The following TEP1 variants were observed in gnomAD, a reference collection of about 807,000 sequenced individuals.
The protein encoded by TEP1 is telomerase protein component 1.
A neutral mutation model predicts 306.3 loss-of-function variants in TEP1; 241 were observed. The observed-to-expected ratio is 0.79, with a 90% CI of 0.71 to 0.88. TEP1 has a LOEUF of 0.88. Ranked by LOEUF, TEP1 falls within the 40% of genes least tolerant of loss-of-function variation. The pLI is 0.00. For missense variants in TEP1, 3,051 were observed against 3,276.1 expected (o/e 0.93, Z 1.68); for synonymous variants, 1,289 against 1,305.5 (o/e 0.99, Z 0.27).
In TEP1 at chr14:20,404,696, G is replaced by A. The variant is rs544677091; in HGVS notation, c.947C>T (p.Pro316Leu). ...NNILAIAAFL[P>L]ACRPHLRRYF... is the part of the protein sequence containing the mutation. ...TCGTCGCAGGTGGGGGCGACACGCC[G>A]GCAAGAAAGCAGCAATGGCCAAGAT... Residue 316 changes from proline to leucine, a missense_variant, in exon 5 of 55, where the codon CCG becomes CTG. Pro to Leu is a moderately conservative substitution (Grantham distance 98). Around this residue, in one of 3 missense-constraint regions of TEP1, gnomAD observed 1,507 missense variants for 1,550.5 expected, o/e 0.97. Coordinates refer to ENST00000262715, the MANE Select transcript of TEP1 (RefSeq NM_007110.5). The A allele has an allele frequency of 3.8e-5, 61 of 1,614,120 alleles. No homozygotes were observed. Among genetic ancestry groups the A allele is most frequent in the African/African-American group, 1.2e-4 (9 of 75,052 alleles).
At chr14:20,403,594 AC>A in intron 6 of TEP1, 128 bp downstream of exon 6, 3 of 1,585,296 alleles carry the variant, frequency 1.9e-6, no homozygotes, top group Non-Finnish European at 2.6e-6. Flanking sequence ...CATGAGCTCT[AC>A]CCAGCTCCCC....
At chr14:20,390,541 T>G in intron 15 of TEP1, 140 bp downstream of exon 15, 2 of 751,296 alleles carry the variant, frequency 2.7e-6, no homozygotes, top group South Asian at 1.8e-5. Context: ...CACCACTGGG[T>G]AGGGGGTTGT....
At chr14:20,383,113 C>G in intron 27 of TEP1, 61 bp downstream of exon 27, 2 of 1,519,992 alleles carry the variant, frequency 1.3e-6, no homozygotes. Context: ...CTCGGCACCC[C>G]AGGTCCTCAT....
intron 9 of TEP1, among the ~76,000 whole-genome samples, chr14:20,398,788 T>A (rs1878432526): frequency 6.6e-6 from 1 of 152,190 alleles, no homozygotes; most frequent in Non-Finnish European, 1.5e-5. Flanking sequence ...GCCCACACCA[T>A]CAGCAGCTTC....
chr14:20,376,382 A>G (rs1885178999), intron 41 of TEP1, 118 bp from the exon 42 acceptor site: 1 of 1,034,156 alleles, frequency 9.7e-7, no homozygotes, highest in African/African-American at 1.6e-5. Context: ...GCTCAGCTCC[A>G]TGGGAGGGAT....
chr14:20,405,721 A>C, intron 3 of TEP1, 136 bp from the exon 4 acceptor site: 1 of 1,084,526 alleles, frequency 9.2e-7, no homozygotes. Context: ...GAACTTACAA[A>C]AGGGGATTAG....
chr14:20,395,490 C>T lies in TEP1; in HGVS notation c.1888G>A (p.Glu630Lys), dbSNP rs1176386884. The change falls in exon 12 of 55, where the codon GAG (glutamate) becomes AAG (lysine). Residue 630 changes from glutamate to lysine, a missense_variant. By Grantham distance (56) the Glu-to-Lys change is moderately conservative. This residue lies in a region of TEP1 where 1,507 missense variants were observed against 1,550.5 expected (regional missense o/e 0.97). Transcript: ENST00000262715. ...CTCAGCTTCTCCCTCTTGAGCTGCTCATACAACACAGGTATCCTCATTGCC... is the reference window on the plus strand; with the variant it reads ...CTCAGCTTCTCCCTCTTGAGCTGCTTATACAACACAGGTATCCTCATTGCC... ...RMAMRIPVLY[E>K]QLKREKLRVH... is the part of the protein sequence containing the mutation. 3 of 1,611,024 alleles carry T rather than the reference C, an allele frequency of 1.9e-6. No homozygotes were observed. The highest frequency in any genetic ancestry group is 2.2e-5 in the South Asian group (2 of 90,992).
intron 4 of TEP1, 54 bp from the exon 5 acceptor site, chr14:20,404,826 T>C (rs1879048290): frequency 6.5e-7 from 1 of 1,538,858 alleles, no homozygotes; most frequent in Non-Finnish European, 8.8e-7. Flanking sequence ...CGTAGCTTTC[T>C]GCCCTGAAAT....
intron 8 of TEP1, 150 bp from the exon 9 acceptor site, chr14:20,401,291 G>A (rs1278080877): frequency 1.5e-6 from 2 of 1,373,216 alleles, no homozygotes; most frequent in African/African-American, 2.9e-5. Context: ...GTTTACAGGT[G>A]AGTCAGAAAA....
chr14:20,409,616 G>A (rs542850281), intron 1 of TEP1, among the ~76,000 whole-genome samples: 2 of 152,296 alleles, frequency 1.3e-5, no homozygotes, highest in East Asian at 3.9e-4. Flanking sequence ...TTTGCCCACT[G>A]GAGTTGGAAG....
At position 20,373,111 on chromosome 14, in the gene TEP1, G is replaced by A; in HGVS notation, c.6851C>T (p.Thr2284Ile). Residue 2284 changes from threonine (T) to isoleucine (I), a missense_variant, in exon 48 of 55, where the codon ACT (threonine) becomes ATT (isoleucine). Around this residue, in one of 3 missense-constraint regions of TEP1, gnomAD observed 1,540 missense variants for 1,705.9 expected, o/e 0.90. Coordinates refer to ENST00000262715, the MANE Select transcript of TEP1 (RefSeq NM_007110.5). ...ACCATCTGGTGCCCAAGCCACAGCA[G>A]TGACGGCTGCAGAACTCCTTGGTAT... ...TCIPRSSAAVTAVAWAPDGSM... is the reference protein window; with the variant it reads ...TCIPRSSAAVIAVAWAPDGSM... 6.2e-7 allele frequency: 1 copy of A among 1,614,240 alleles called. No homozygotes were observed. The highest frequency in any genetic ancestry group is 8.5e-7 in the Non-Finnish European group (1 of 1,180,056).
At position 20,381,095 on chromosome 14, in the gene TEP1, A is replaced by T; in HGVS notation, c.4648-50T>A. On this transcript the variant is annotated intron_variant, in intron 32 of 54. Transcript: ENST00000262715. The surrounding 1 kb of genome is among the most constrained non-coding windows in gnomAD (Gnocchi z 4.0). Reference sequence around the variant, plus strand: ...TAGGGATATGAAGGGGCTGGTGAGAAGGGACAGTTTAGTCTCAGAACCTGG... The same window carrying T: ...TAGGGATATGAAGGGGCTGGTGAGATGGGACAGTTTAGTCTCAGAACCTGG... 1 of 1,490,128 alleles carries T rather than the reference A, an allele frequency of 6.7e-7. No homozygotes were observed. The highest frequency in any genetic ancestry group is 9.4e-7 in the Non-Finnish European group (1 of 1,068,066). The allele number at this position is 1,490,128 out of a possible 1,614,324, so 92.3% of individuals were successfully genotyped here.
rs559576716 is a variant in TEP1 at position 20,396,021 on chromosome 14, A to G, written c.1660-72T>C. 6 of 1,153,490 alleles carry G rather than the reference A, an allele frequency of 5.2e-6. No homozygotes were observed. In the East Asian group the frequency reaches 1.4e-4, roughly 27 times the overall value. 71.5% of individuals were successfully genotyped at this position (1,153,490 alleles called of 1,614,324 possible). A position where few individuals can be genotyped will look rare whatever the true frequency, so the allele number is the denominator to read the frequency against. On this transcript the variant is annotated intron_variant, in intron 10 of 54. Transcript: ENST00000262715. ...ATGGGGGGCTTCAGGGGTCCACTCT[A>G]TTAGCTTTGTGGGAAGGTACAGAAG... is the stretch of plus-strand genomic sequence containing the variant.
At chr14:20,380,785 C>T in intron 33 of TEP1, 146 bp downstream of exon 33, 1 of 730,436 alleles carries the variant, frequency 1.4e-6, no homozygotes, top group Non-Finnish European at 2.3e-6. Flanking sequence ...ACGTGCTCAC[C>T]CTCTTGGCAT....
chr14:20,386,542 C>G lies in TEP1; in HGVS notation c.2766G>C (p.Leu922=), dbSNP rs768533512. Residue 922 remains leucine (L), a synonymous_variant, in exon 19 of 55, where the codon CTG becomes CTC. Transcript: ENST00000262715. ...GERDLLLRSV[L]PALQARAAPH... is the part of the protein sequence containing the mutation. ...GGGCCGCTCGGGCCTGCAGTGCTGGCAGCACAGACCTCAGCAGCAGGTCCC... is the reference window on the plus strand; with the variant it reads ...GGGCCGCTCGGGCCTGCAGTGCTGGGAGCACAGACCTCAGCAGCAGGTCCC... The G allele has an allele frequency of 6.2e-7, 1 of 1,612,836 alleles. No homozygotes were observed. The highest frequency in any genetic ancestry group is 1.1e-5 in the South Asian group (1 of 91,024).
chr14:20,384,531 C>A, intron 22 of TEP1, 23 bp from the exon 23 acceptor site: 1 of 1,614,024 alleles, frequency 6.2e-7, no homozygotes, highest in Non-Finnish European at 8.5e-7. Flanking sequence ...CAAGCACAAC[C>A]AGGTCAGAGC....
At position 20,384,249 on chromosome 14, in the gene TEP1, C is replaced by A; in HGVS notation, c.3340-17G>T. The A allele has an allele frequency of 6.2e-7, 1 of 1,612,196 alleles. No individual in the cohort carries two copies. ...GGCCCCAGGCTGAGGGTAAATGGGT[C>A]AGTGACTATCCATGGTGCCATGCTC... is the stretch of plus-strand genomic sequence containing the variant. On this transcript the variant is annotated splice_polypyrimidine_tract_variant and intron_variant, in intron 23 of 54. Transcript: ENST00000262715.
intron 1 of TEP1, among the ~76,000 whole-genome samples, chr14:20,412,626 G>A (rs1178892279): frequency 6.7e-6 from 1 of 148,676 alleles, no homozygotes; most frequent in East Asian, 2.0e-4. Context: ...TCTGCACTTA[G>A]TATATCTCAG....
chr14:20,400,225 T>C (rs1030308914), intron 9 of TEP1, among the ~76,000 whole-genome samples: 6 of 151,216 alleles, frequency 4.0e-5, no homozygotes, highest in African/African-American at 1.5e-4. Flanking sequence ...CCAAGTGGTT[T>C]CAACCATCAG....
Sources: gnomAD v4.1 joint callset for allele counts (sites outside exome capture counted in the v4.1 genomes callset) on GRCh38, gnomAD v4.1.1 for gene constraint, gnomAD v4.1.1 regional missense constraint, Gnocchi (gnomAD v3.1) non-coding constraint, MANE v1.5 for transcripts, NCBI Gene and HGNC (gene_info 2026-07-23, HGNC 2026-07-21) for gene names.